The following NDST4 variants were observed in gnomAD, a reference collection of about 807,000 sequenced individuals.
NDST4 encodes N-deacetylase and N-sulfotransferase 4.
Under a neutral mutation model 100.8 loss-of-function variants are expected in NDST4, and 63 were observed. The ratio of observed to expected loss-of-function variants is 0.62; its 90% CI spans 0.51 to 0.77. NDST4 has a LOEUF of 0.77. Ranked by LOEUF, NDST4 falls within the 30% of genes least tolerant of loss-of-function variation. The pLI, the probability that NDST4 is intolerant of heterozygous loss-of-function variation, is 0.00. For missense variants in NDST4, 943 were observed against 1,018.4 expected, an observed-to-expected ratio of 0.93 and a Z score of 1.01; for synonymous variants, 377 against 361.8, an observed-to-expected ratio of 1.04 and a Z score of -0.48.
chr4:115,016,671 A>G (rs1350664641), intron 2 of NDST4, among the ~76,000 whole-genome samples: 7 of 152,094 alleles, frequency 4.6e-5, no homozygotes, highest in Non-Finnish European at 4.4e-5. Flanking sequence ...AATGGAGGAA[A>G]GGGATAATAT....
intron 7 of NDST4, among the ~76,000 whole-genome samples, chr4:114,865,669 T>G (rs1463961807): frequency 6.6e-6 from 1 of 151,448 alleles, no homozygotes; most frequent in Non-Finnish European, 1.5e-5. Context: ...CACTTTATTT[T>G]ATTTTCAAGG....
chr4:115,110,760 G>A (rs1414454012), intron 1 of NDST4, among the ~76,000 whole-genome samples: 2 of 151,890 alleles, frequency 1.3e-5, no homozygotes, highest in African/African-American at 4.8e-5. Flanking sequence ...TAATAAAGAA[G>A]AAACCTTTGT....
chr4:114,906,273 G>A (rs908107051), intron 6 of NDST4, among the ~76,000 whole-genome samples: 1 of 151,942 alleles, frequency 6.6e-6, no homozygotes, highest in African/African-American at 2.4e-5. Context: ...CTTGAGTTAG[G>A]AAGAAACAGA....
At chr4:115,056,236 C>T (rs1439617020) in intron 2 of NDST4, among the ~76,000 whole-genome samples, 1 of 151,898 alleles carries the variant, frequency 6.6e-6, no homozygotes, top group Non-Finnish European at 1.5e-5. Context: ...CCTGTAGTCC[C>T]AGGTACTTGG....
intron 1 of NDST4, among the ~76,000 whole-genome samples, chr4:115,110,421 C>T (rs1729921816): frequency 6.6e-6 from 1 of 151,944 alleles, no homozygotes; most frequent in Non-Finnish European, 1.5e-5. Flanking sequence ...CAACAGACAA[C>T]ATGGTTTCTC....
At chr4:115,074,676 T>C (rs1450083191) in intron 2 of NDST4, among the ~76,000 whole-genome samples, 1 of 152,138 alleles carries the variant, frequency 6.6e-6, no homozygotes, top group Non-Finnish European at 1.5e-5. Flanking sequence ...TTGAAGGTTT[T>C]TAAAAAGTGA....
At chr4:115,024,094 T>C (rs1332281778) in intron 2 of NDST4, among the ~76,000 whole-genome samples, 1 of 152,090 alleles carries the variant, frequency 6.6e-6, no homozygotes, top group Non-Finnish European at 1.5e-5. Flanking sequence ...TTCACCTCCA[T>C]CACTACTTAG....
chr4:114,829,984 A>G (rs1560767698), intron 12 of NDST4, 92 bp from the exon 13 acceptor site: 4 of 821,250 alleles, frequency 4.9e-6, no homozygotes, highest in South Asian at 1.6e-5. Context: ...GTATTTTTGT[A>G]TGCCCACTGA....
intron 1 of NDST4, among the ~76,000 whole-genome samples, chr4:115,085,403 T>C (rs944333466): frequency 5.3e-5 from 8 of 151,950 alleles, no homozygotes; most frequent in Admixed American, 4.6e-4. Context: ...GTTGGAAGGG[T>C]AAAATGTGAG....
intron 2 of NDST4, among the ~76,000 whole-genome samples, chr4:115,033,157 A>ATATATATTTTTT (rs1491126767): frequency 1.7e-5 from 1 of 59,946 alleles, no homozygotes. Context: ...ATATATATAT[A>ATATATATTTTTT]TTTTTTTTTT....
At position 115,045,850 on chromosome 4, in the gene NDST4, T is replaced by A. The variant is rs143299338; in HGVS notation, c.978+30209A>T. Among the ~76,000 whole-genome samples, 3 of 152,288 alleles carry A rather than the reference T, an allele frequency of 2.0e-5. No individual in the cohort carries two copies. The East Asian group carries it at 5.8e-4, about 29-fold the overall frequency. ...AAGAAATATGGGAGAATTGCCACAG[T>A]CAAGTCCATGAGCAATGAACTACAC... On this transcript the variant is annotated intron_variant, in intron 2 of 13. Transcript: ENST00000264363.
At chr4:114,838,449 A>G (rs989634169) in intron 11 of NDST4, among the ~76,000 whole-genome samples, 1 of 152,240 alleles carries the variant, frequency 6.6e-6, no homozygotes, top group African/African-American at 2.4e-5. Flanking sequence ...CTGGATAAAG[A>G]AAATATGGCA....
chr4:115,065,585 T>C (rs1287377569), intron 2 of NDST4, among the ~76,000 whole-genome samples: 1 of 151,374 alleles, frequency 6.6e-6, no homozygotes, highest in African/African-American at 2.5e-5. Flanking sequence ...GAATACCTTA[T>C]TTTAAGATAC....
chr4:115,026,910 G>A (rs879315147), intron 2 of NDST4, among the ~76,000 whole-genome samples: 2 of 152,092 alleles, frequency 1.3e-5, no homozygotes, highest in Non-Finnish European at 2.9e-5. Flanking sequence ...GTAGAATCAC[G>A]TAAAAGGCTA....
intron 2 of NDST4, among the ~76,000 whole-genome samples, chr4:115,025,881 T>C (rs927997617): frequency 5.9e-5 from 9 of 152,182 alleles, no homozygotes; most frequent in Non-Finnish European, 4.4e-5. Flanking sequence ...AAAATCTTTA[T>C]AGATGGAATC....
chr4:115,062,156 T>G (rs2126283826), intron 2 of NDST4, among the ~76,000 whole-genome samples: 1 of 152,082 alleles, frequency 6.6e-6, no homozygotes, highest in African/African-American at 2.4e-5. Context: ...TGTGACATAG[T>G]CAATGGGTAG....
At chr4:114,882,138 AT>A (rs35233146) in intron 6 of NDST4, among the ~76,000 whole-genome samples, 7,041 of 143,490 alleles carry the variant, frequency 0.049, 419 homozygotes, top group African/African-American at 0.15. Context: ...ATTTAGAAGG[AT>A]TTTTTTTTTT....
At chr4:114,860,353 C>T (rs1468260141) in intron 7 of NDST4, among the ~76,000 whole-genome samples, 1 of 152,190 alleles carries the variant, frequency 6.6e-6, no homozygotes, top group African/African-American at 2.4e-5. Flanking sequence ...TTCACTTCTT[C>T]AGTCGATAAT....
intron 5 of NDST4, among the ~76,000 whole-genome samples, chr4:114,936,950 C>A (rs866632263): frequency 6.6e-6 from 1 of 152,132 alleles, no homozygotes; most frequent in Non-Finnish European, 1.5e-5. Context: ...ATCCATGCAG[C>A]CTTACTCTGC....
Sources: allele counts gnomAD v4.1 joint callset (sites outside exome capture counted in the v4.1 genomes callset), GRCh38; gene constraint gnomAD v4.1.1; transcripts MANE v1.5; gene names NCBI Gene and HGNC (gene_info 2026-07-23, HGNC 2026-07-21).